Variants in GRIN2B observed in about 807,000 individuals in gnomAD.
The protein encoded by GRIN2B is glutamate ionotropic receptor NMDA type subunit 2B.
Under a neutral mutation model 114.5 loss-of-function variants are expected in GRIN2B, and 5 were observed. That is an observed-to-expected ratio of 0.04 (90% CI 0.02 to 0.09). GRIN2B has a LOEUF of 0.09. GRIN2B is among the 10% of genes least tolerant of loss of function. The pLI, the probability that GRIN2B is intolerant of heterozygous loss-of-function variation, is 1.00. For missense variants in GRIN2B, 1,108 were observed against 1,943.5 expected (o/e 0.57, Z 8.08); for synonymous variants, 787 against 745.1 (o/e 1.06, Z -0.92).
intron 4 of GRIN2B, among the ~76,000 whole-genome samples, chr12:13,734,819 T>C (rs1863152378): frequency 6.6e-6 from 1 of 152,034 alleles, no homozygotes; most frequent in African/African-American, 2.4e-5. Flanking sequence ...AACACTTGAG[T>C]CAGATCTTAA....
intron 10 of GRIN2B, among the ~76,000 whole-genome samples, chr12:13,574,951 A>G (rs1045789083): frequency 2.0e-5 from 3 of 152,256 alleles, no homozygotes; most frequent in Non-Finnish European, 2.9e-5. Flanking sequence ...AGGGCCATTC[A>G]GTGGAGATAG....
chr12:13,951,724 C>T (rs570980468), intron 2 of GRIN2B, among the ~76,000 whole-genome samples: 33 of 152,202 alleles, frequency 2.2e-4, no homozygotes, highest in Non-Finnish European at 4.3e-4. Flanking sequence ...GTTCATCTCT[C>T]TCTCTAGACT....
chr12:13,801,970 CTTCT>C (rs1486994941), intron 3 of GRIN2B, among the ~76,000 whole-genome samples: 4 of 152,024 alleles, frequency 2.6e-5, no homozygotes, highest in African/African-American at 9.7e-5. Flanking sequence ...TTCAACCTTC[CTTCT>C]GTTTGTTTGG....
In GRIN2B at chr12:13,557,900, T is replaced by A. The variant is rs1948493759; in HGVS notation, c.*4883A>T. On this transcript the variant is annotated 3_prime_UTR_variant, in exon 14 of 14. Transcript: ENST00000609686. ...ATATGTCACCTTTCCTGGGATTACT[T>A]TCATTCGAATGACAGACAGCTCAGC... 1.3e-5 allele frequency: 2 copies of A among 152,248 alleles called. No homozygotes were observed. Among genetic ancestry groups the A allele is most frequent in the African/African-American group, 4.8e-5 (2 of 41,476 alleles). The allele number at this position is 152,248 out of a possible 1,614,324, so 9.4% of individuals were successfully genotyped here. A position where few individuals can be genotyped will look rare whatever the true frequency, so the allele number is the denominator to read the frequency against.
intron 2 of GRIN2B, among the ~76,000 whole-genome samples, chr12:13,869,943 G>A (rs559567013): frequency 3.9e-5 from 6 of 152,272 alleles, no homozygotes; most frequent in South Asian, 4.1e-4. Flanking sequence ...ATATGTATAT[G>A]GAAGTGCTTT....
At chr12:13,731,016 C>T (rs1381097369) in intron 4 of GRIN2B, among the ~76,000 whole-genome samples, 2 of 152,188 alleles carry the variant, frequency 1.3e-5, no homozygotes, top group African/African-American at 2.4e-5. Context: ...CACTGTGGCT[C>T]CTCCTGCCCT....
chr12:13,682,010 T>G lies in GRIN2B; in HGVS notation c.1011-6151A>C, dbSNP rs945888721. Reference sequence around the variant, plus strand: ...GGATTAGAAATAGTGGACTTAAAACTTTTAAAAGCTACCTAATTACAGACT... The same window carrying G: ...GGATTAGAAATAGTGGACTTAAAACGTTTAAAAGCTACCTAATTACAGACT... On this transcript the variant is annotated intron_variant, in intron 4 of 13. Coordinates refer to ENST00000609686, the MANE Select transcript of GRIN2B (RefSeq NM_000834.5). 5.3e-5 allele frequency among the ~76,000 whole-genome samples: 8 copies of G among 152,284 alleles called. No homozygotes were observed. In the East Asian group the frequency reaches 1.5e-3, roughly 29 times the overall value.
rs1948288917 is a variant in GRIN2B, at chr12:13,542,369, A to G, written c.*20414T>C. On this transcript the variant is annotated 3_prime_UTR_variant, in exon 14 of 14. Transcript: ENST00000609686. ...GACAAGATTTCCTGTGAAAATGTGTACTTTCCAGGATAAATAGTCAAAATG... is the reference window on the plus strand; with the variant it reads ...GACAAGATTTCCTGTGAAAATGTGTGCTTTCCAGGATAAATAGTCAAAATG... 1 of 152,194 alleles carries G rather than the reference A, an allele frequency of 6.6e-6. No homozygotes were observed. Among genetic ancestry groups the G allele is most frequent in the Non-Finnish European group, 1.5e-5 (1 of 68,038 alleles). 9.4% of individuals were successfully genotyped at this position (152,194 alleles called of 1,614,324 possible).
rs959759818 is a variant in GRIN2B, at chr12:13,555,046, A to C, written c.*7737T>G. 6.6e-6 allele frequency: 1 copy of C among 152,168 alleles called. No homozygotes were observed. The highest frequency in any genetic ancestry group is 2.4e-5 in the African/African-American group (1 of 41,440). The allele number at this position is 152,168 out of a possible 1,614,324, so 9.4% of individuals were successfully genotyped here. On this transcript the variant is annotated 3_prime_UTR_variant, in exon 14 of 14. Transcript: ENST00000609686. The stretch of plus-strand genomic sequence containing the variant: ...ATTTGGGATTCATCTTCATTCAAAG[A>C]GTTATTGAAATCATAGAAGACAGAA...
At position 13,545,510 on chromosome 12, in the gene GRIN2B, A is replaced by G. The variant is rs1948331507; in HGVS notation, c.*17273T>C. On this transcript the variant is annotated 3_prime_UTR_variant, in exon 14 of 14. Coordinates refer to ENST00000609686, the MANE Select transcript of GRIN2B (RefSeq NM_000834.5). Reference sequence around the variant, plus strand: ...CATGCTCTGAAGCCACAGACCAAATATCCCCAAAATAAGAGCTCCAGTAAA... The same window carrying G: ...CATGCTCTGAAGCCACAGACCAAATGTCCCCAAAATAAGAGCTCCAGTAAA... 6.6e-6 allele frequency: 1 copy of G among 152,306 alleles called. No individual in the cohort carries two copies. The allele number at this position is 152,306 out of a possible 1,614,324, so 9.4% of individuals were successfully genotyped here.
Position 13,753,271 on chromosome 12 carries a change from TC to T in GRIN2B, c.1010+45del, listed in dbSNP as rs753324338. The T allele has an allele frequency of 1.8e-6, 2 of 1,102,514 alleles. No individual in the cohort carries two copies. The highest frequency in any genetic ancestry group is 1.2e-5 in the South Asian group (1 of 81,036). The allele number at this position is 1,102,514 out of a possible 1,614,324, so 68.3% of individuals were successfully genotyped here. A position where few individuals can be genotyped will look rare whatever the true frequency, so the allele number is the denominator to read the frequency against. ...AACTTCCAACCCCAGTCTTTGAAGC[TC>T]CCCTCTCATCTCCACCATCAATGTG... On this transcript the variant is annotated intron_variant, in intron 4 of 13. Transcript: ENST00000609686. The surrounding 1 kb of genome is among the most constrained non-coding windows in gnomAD (Gnocchi z 6.2).
intron 10 of GRIN2B, among the ~76,000 whole-genome samples, chr12:13,579,300 T>C (rs1948814999): frequency 6.6e-6 from 1 of 152,000 alleles, no homozygotes; most frequent in Admixed American, 6.6e-5. Context: ...GCAAAGGAGT[T>C]TAGAGTTCAT....
chr12:13,592,256 G>C (rs998187319), intron 10 of GRIN2B, among the ~76,000 whole-genome samples: 3 of 152,156 alleles, frequency 2.0e-5, no homozygotes, highest in African/African-American at 4.8e-5. Context: ...GGGTAGAAGA[G>C]AGCCATTGTT....
chr12:13,730,324 T>C (rs1591700835), intron 4 of GRIN2B, among the ~76,000 whole-genome samples: 2 of 152,204 alleles, frequency 1.3e-5, no homozygotes, highest in African/African-American at 2.4e-5. Flanking sequence ...TTAATGTCAA[T>C]ATGAGCAGGG....
intron 5 of GRIN2B, among the ~76,000 whole-genome samples, chr12:13,669,428 A>G (rs984126206): frequency 2.2e-4 from 33 of 152,200 alleles, no homozygotes; most frequent in African/African-American, 8.0e-4. Context: ...GATGCATATT[A>G]GTACTCAGTT....
At chr12:13,789,080 T>TC (rs1864270904) in intron 3 of GRIN2B, among the ~76,000 whole-genome samples, 1 of 151,814 alleles carries the variant, frequency 6.6e-6, no homozygotes, top group Non-Finnish European at 1.5e-5. Context: ...TTGTTGTTTT[T>TC]TTTCCTATAC....
intron 2 of GRIN2B, among the ~76,000 whole-genome samples, chr12:13,900,746 T>C (rs1866434477): frequency 6.6e-6 from 1 of 152,188 alleles, no homozygotes; most frequent in Admixed American, 6.6e-5. Context: ...GTTGTTTGTT[T>C]TAGAACATTA....
At chr12:13,586,416 C>T (rs10772694) in intron 10 of GRIN2B, among the ~76,000 whole-genome samples, 54,553 of 151,976 alleles carry the variant, frequency 0.36, 11,582 homozygotes, top group East Asian at 0.81. Context: ...GTTACAGAAG[C>T]GATATTTTCC....
chr12:13,569,810 T>C lies in GRIN2B; in HGVS notation c.2359+20A>G, dbSNP rs746799125. ...CCATCAGTAGAGGACAAATGGGCAC[T>C]TTCCCTTTCTTGAACTCACCATCTC... is the stretch of plus-strand genomic sequence containing the variant. On this transcript the variant is annotated intron_variant, in intron 12 of 13. Coordinates refer to ENST00000609686, the MANE Select transcript of GRIN2B (RefSeq NM_000834.5). 4 of 1,539,464 alleles carry C rather than the reference T, an allele frequency of 2.6e-6. No individual in the cohort carries two copies. Among genetic ancestry groups the C allele is most frequent in the East Asian group, 2.3e-5 (1 of 43,998 alleles).
Sources: allele counts gnomAD v4.1 joint callset (sites outside exome capture counted in the v4.1 genomes callset), GRCh38; gene constraint gnomAD v4.1.1; non-coding constraint Gnocchi (gnomAD v3.1); transcripts MANE v1.5; gene names NCBI Gene and HGNC (gene_info 2026-07-23, HGNC 2026-07-21).